DRICH1: variants seen among roughly 807,000 people sequenced by gnomAD.
DRICH1 encodes aspartate rich 1, also known as aspartate-rich protein 1.
Under a neutral mutation model 39.5 loss-of-function variants are expected in DRICH1, and 38 were observed. That is an observed-to-expected ratio of 0.96 (90% CI 0.74 to 1.26). DRICH1 has a LOEUF of 1.26. DRICH1 is among the 50% of genes most tolerant of loss of function. DRICH1 has a pLI of 0.00. For missense variants in DRICH1, 279 were observed against 270.4 expected (o/e 1.03, Z -0.22); for synonymous variants, 84 against 99.5 (o/e 0.84, Z 0.93).
At chr22:23,595,815 G>C in the DRICH1 span, among the ~76,000 whole-genome samples, 34,727 of 151,760 alleles carry the variant, frequency 0.23, 4,249 homozygotes, top group Admixed American at 0.29. Context: ...GAAACCCTAA[G>C]CCAGGAAATA....
chr22:23,628,678 G>C (rs1928216614), intron 1 of DRICH1, among the ~76,000 whole-genome samples: 1 of 152,180 alleles, frequency 6.6e-6, no homozygotes, highest in Non-Finnish European at 1.5e-5. Flanking sequence ...AAAAGAAAAA[G>C]TCATCTGTCC....
downstream of DRICH1, among the ~76,000 whole-genome samples, chr22:23,603,571 C>T (rs926329013): frequency 5.9e-5 from 9 of 152,176 alleles, no homozygotes; most frequent in African/African-American, 2.2e-4. Context: ...CTGTCAGCCT[C>T]TCCCTCCGTG....
At chr22:23,625,342 G>C (rs1240758995) in intron 2 of DRICH1, among the ~76,000 whole-genome samples, 1 of 151,988 alleles carries the variant, frequency 6.6e-6, no homozygotes, top group African/African-American at 2.4e-5. Context: ...AAGAAATCAG[G>C]TGAAGGAAAT....
chr22:23,585,488 T>G, the DRICH1 span, among the ~76,000 whole-genome samples: 1 of 152,092 alleles, frequency 6.6e-6, no homozygotes, highest in Non-Finnish European at 1.5e-5. Context: ...AGTTATATAT[T>G]TGGTTGTGGG....
In DRICH1 at chr22:23,613,350, A is replaced by T. The variant is rs201613980; in HGVS notation, c.644-20T>A. ...TCAAGTCTTTAGAAACAAAAACACC[A>T]GAATAAGTCATTAGAGAGAGTGACT... On this transcript the variant is annotated intron_variant, in intron 10 of 11. Transcript: ENST00000317749. 1.2e-6 allele frequency: 2 copies of T among 1,604,728 alleles called. No individual in the cohort carries two copies. The highest frequency in any genetic ancestry group is 2.2e-5 in the South Asian group (2 of 90,896).
chr22:23,603,636 C>T (rs1478249131), downstream of DRICH1, among the ~76,000 whole-genome samples: 2 of 152,154 alleles, frequency 1.3e-5, no homozygotes, highest in East Asian at 3.9e-4. Flanking sequence ...GGCACTGCTG[C>T]CTTTGAGGGG....
At chr22:23,605,879 G>A (rs952819665), downstream of DRICH1, among the ~76,000 whole-genome samples, 2 of 152,016 alleles carry the variant, frequency 1.3e-5, no homozygotes, top group Non-Finnish European at 2.9e-5. Context: ...TCAGGAGTTC[G>A]AGATCAGCCT....
the DRICH1 span, among the ~76,000 whole-genome samples, chr22:23,582,811 T>A: frequency 6.6e-6 from 1 of 152,102 alleles, no homozygotes; most frequent in Non-Finnish European, 1.5e-5. Flanking sequence ...TCAGCCCACC[T>A]CAGCCTCCCA....
downstream of DRICH1, among the ~76,000 whole-genome samples, chr22:23,604,717 C>T (rs1483215147): frequency 1.3e-5 from 2 of 152,208 alleles, no homozygotes; most frequent in African/African-American, 2.4e-5. Context: ...CAATCAGAAA[C>T]CTCACTTTGC....
chr22:23,618,890 T>C (rs1238112142), intron 6 of DRICH1, among the ~76,000 whole-genome samples: 2 of 152,078 alleles, frequency 1.3e-5, no homozygotes, highest in African/African-American at 4.8e-5. Flanking sequence ...TATCACAAAT[T>C]TGTCCAGGCG....
the DRICH1 span, among the ~76,000 whole-genome samples, chr22:23,592,835 TACACACACACACAC>T: frequency 2.0e-3 from 268 of 135,228 alleles, no homozygotes; most frequent in Middle Eastern, 7.4e-3. Flanking sequence ...CTATTAAAAA[TACACACACACACAC>T]ACACACACAC....
chr22:23,605,064 ATC>A (rs1926656207), downstream of DRICH1, among the ~76,000 whole-genome samples: 1 of 152,126 alleles, frequency 6.6e-6, no homozygotes, highest in African/African-American at 2.4e-5. Flanking sequence ...TCTGGCCTCT[ATC>A]TCTATTTGTA....
chr22:23,601,146 G>GCGCACACACA, the DRICH1 span, among the ~76,000 whole-genome samples: 256 of 146,212 alleles, frequency 1.8e-3, no homozygotes, highest in African/African-American at 6.2e-3. Flanking sequence ...ACGCACGCGC[G>GCGCACACACA]CACACACACA....
upstream of DRICH1, among the ~76,000 whole-genome samples, chr22:23,632,585 G>A (rs570475985): frequency 6.6e-6 from 1 of 152,140 alleles, no homozygotes; most frequent in African/African-American, 2.4e-5. Context: ...TTGTTATTGC[G>A]AGTCACCCTT....
the DRICH1 span, among the ~76,000 whole-genome samples, chr22:23,597,865 A>G: frequency 1.8e-4 from 28 of 152,076 alleles, no homozygotes; most frequent in East Asian, 1.9e-3. Flanking sequence ...CTGCATGAAC[A>G]CCCAGTGCAG....
At chr22:23,598,758 C>G in the DRICH1 span, among the ~76,000 whole-genome samples, 27 of 152,348 alleles carry the variant, frequency 1.8e-4, no homozygotes, top group Admixed American at 1.5e-3. Flanking sequence ...GGTCACCCCA[C>G]CTGAGCATAT....
the DRICH1 span, among the ~76,000 whole-genome samples, chr22:23,582,863 T>C: frequency 6.6e-6 from 1 of 152,104 alleles, no homozygotes; most frequent in African/African-American, 2.4e-5. Context: ...GCCCGGCCAA[T>C]TATCATATTA....
the DRICH1 span, among the ~76,000 whole-genome samples, chr22:23,590,438 CAGCT>C: frequency 9.9e-5 from 15 of 151,868 alleles, no homozygotes; most frequent in African/African-American, 3.4e-4. Context: ...CCACCACACC[CAGCT>C]AATTTTTGTA....
chr22:23,582,868 ATAT>A, the DRICH1 span, among the ~76,000 whole-genome samples: 3 of 152,076 alleles, frequency 2.0e-5, no homozygotes, highest in Non-Finnish European at 4.4e-5. Flanking sequence ...GCCAATTATC[ATAT>A]TATTATTATT....
Sources: allele counts gnomAD v4.1 joint callset (sites outside exome capture counted in the v4.1 genomes callset), GRCh38; gene constraint gnomAD v4.1.1; transcripts MANE v1.5; gene names NCBI Gene and HGNC (gene_info 2026-07-23, HGNC 2026-07-21).